UTRN: variants seen among roughly 807,000 people sequenced by gnomAD.
UTRN encodes the protein dystrophin-related protein 1.
In UTRN, 283 loss-of-function variants were observed where a neutral mutation model predicts 463.9. That is an observed-to-expected ratio of 0.61 (90% CI 0.55 to 0.67). UTRN has a LOEUF of 0.67. Among genes scored for constraint, UTRN ranks in the 30% least tolerant of loss-of-function variants. UTRN has a pLI of 0.00. For synonymous variants in UTRN, 1,442 were observed against 1,431.5 expected (o/e 1.01, Z -0.17); for missense variants, 3,922 against 4,084.3 (o/e 0.96, Z 1.08).
intron 52 of UTRN, among the ~76,000 whole-genome samples, chr6:144,682,800 TA>T (rs529841693): frequency 4.6e-5 from 7 of 152,232 alleles, no homozygotes; most frequent in African/African-American, 1.4e-4. Context: ...TTATAAAAGA[TA>T]AAATAGTTTG....
chr6:144,517,065 T>C (rs1795680740), intron 39 of UTRN, 117 bp downstream of exon 39: 2 of 895,796 alleles, frequency 2.2e-6, no homozygotes, highest in East Asian at 3.1e-5. Flanking sequence ...TATCATCTCC[T>C]CCTTTCTAGT....
intron 64 of UTRN, among the ~76,000 whole-genome samples, chr6:144,802,605 T>A (rs4476850): frequency 0.13 from 19,221 of 152,208 alleles, 1,553 homozygotes; most frequent in East Asian, 0.45. Flanking sequence ...CAAGGATGCA[T>A]TGTGATCAAG....
chr6:144,576,267 A>G (rs1432057923), intron 50 of UTRN, among the ~76,000 whole-genome samples: 1 of 152,194 alleles, frequency 6.6e-6, no homozygotes, highest in African/African-American at 2.4e-5. Context: ...GGATTTAAAT[A>G]CCTAGGAGTG....
intron 2 of UTRN, among the ~76,000 whole-genome samples, chr6:144,361,524 T>G (rs1241688848): frequency 6.6e-6 from 1 of 152,192 alleles, no homozygotes; most frequent in Non-Finnish European, 1.5e-5. Context: ...TATTTCTGGA[T>G]GCTAAAAGGG....
chr6:144,514,609 G>C, intron 36 of UTRN, 41 bp from the exon 37 acceptor site: 2 of 1,601,436 alleles, frequency 1.2e-6, no homozygotes, highest in Non-Finnish European at 1.7e-6. Context: ...GTTTGGGTTT[G>C]ATTTTTCCCA....
chr6:144,804,437 C>G (rs960574123), intron 65 of UTRN, among the ~76,000 whole-genome samples: 1 of 152,212 alleles, frequency 6.6e-6, no homozygotes, highest in African/African-American at 2.4e-5. Context: ...GCCCTCTTGT[C>G]AAAGATAAGC....
chr6:144,667,628 A>G (rs1281980007), intron 51 of UTRN, among the ~76,000 whole-genome samples: 2 of 152,214 alleles, frequency 1.3e-5, no homozygotes, highest in African/African-American at 4.8e-5. Flanking sequence ...CTATCTGCAC[A>G]CCTTTAAATA....
intron 23 of UTRN, among the ~76,000 whole-genome samples, chr6:144,471,495 T>G (rs1393505492): frequency 6.6e-6 from 1 of 152,220 alleles, no homozygotes; most frequent in Non-Finnish European, 1.5e-5. Context: ...TGGTGACAAG[T>G]TAAACGGAGA....
chr6:144,829,417 G>A (rs1275713853), intron 69 of UTRN, among the ~76,000 whole-genome samples: 5 of 152,034 alleles, frequency 3.3e-5, no homozygotes, highest in Non-Finnish European at 5.9e-5. Flanking sequence ...AAGCTTTCTA[G>A]CCAATTAGTT....
chr6:144,644,334 T>A (rs1778075877), intron 51 of UTRN, among the ~76,000 whole-genome samples: 2 of 152,200 alleles, frequency 1.3e-5, no homozygotes, highest in Admixed American at 6.5e-5. Context: ...CATACATAGG[T>A]TCAATACTTT....
chr6:144,783,722 G>A (rs9399500), intron 61 of UTRN, among the ~76,000 whole-genome samples: 17,958 of 151,890 alleles, frequency 0.12, 2,987 homozygotes, highest in African/African-American at 0.38. Context: ...AACTTTCCCT[G>A]TCCTCCTCTC....
At chr6:144,557,016 A>G (rs182352115) in intron 49 of UTRN, 141 bp from the exon 50 acceptor site, 7 of 1,058,550 alleles carry the variant, frequency 6.6e-6, no homozygotes, top group Admixed American at 3.5e-5. Flanking sequence ...ACATATAACA[A>G]AAGGGTTTGC....
intron 44 of UTRN, 93 bp downstream of exon 44, chr6:144,537,810 G>T (rs1317898293): frequency 1.3e-6 from 2 of 1,496,880 alleles, no homozygotes; most frequent in East Asian, 5.1e-5. Flanking sequence ...AAAGGGAAAA[G>T]AAACTTTGTA....
intron 51 of UTRN, among the ~76,000 whole-genome samples, chr6:144,617,074 G>T (rs1169986511): frequency 6.6e-6 from 1 of 152,068 alleles, no homozygotes; most frequent in African/African-American, 2.4e-5. Flanking sequence ...ACTGTAGTTG[G>T]TTACATTCAG....
At chr6:144,542,167 C>A (rs1798031385) in intron 45 of UTRN, among the ~76,000 whole-genome samples, 1 of 151,982 alleles carries the variant, frequency 6.6e-6, no homozygotes, top group East Asian at 1.9e-4. Context: ...ATGAAGTGAT[C>A]CTAAGAATTG....
At chr6:144,537,281 C>A (rs970065377) in intron 43 of UTRN, among the ~76,000 whole-genome samples, 2 of 151,894 alleles carry the variant, frequency 1.3e-5, no homozygotes, top group African/African-American at 4.8e-5. Context: ...GGAGTGGTAT[C>A]TAACTGTAAA....
At chr6:144,750,220 C>G (rs2128723045) in intron 55 of UTRN, among the ~76,000 whole-genome samples, 1 of 143,236 alleles carries the variant, frequency 7.0e-6, no homozygotes, top group Admixed American at 7.0e-5. Context: ...ATTTTTTACA[C>G]TTATAATGCC....
intron 53 of UTRN, among the ~76,000 whole-genome samples, chr6:144,718,917 A>C (rs988238517): frequency 2.6e-5 from 4 of 152,194 alleles, no homozygotes; most frequent in African/African-American, 9.7e-5. Flanking sequence ...CTGGAGCCGG[A>C]TCCCTGAAGG....
intron 61 of UTRN, among the ~76,000 whole-genome samples, chr6:144,787,551 A>G (rs1400066282): frequency 6.6e-6 from 1 of 152,154 alleles, no homozygotes; most frequent in African/African-American, 2.4e-5. Context: ...ACCAATCCCT[A>G]AGCACGATTT....
Sources: allele counts gnomAD v4.1 joint callset (sites outside exome capture counted in the v4.1 genomes callset), GRCh38; gene constraint gnomAD v4.1.1; transcripts MANE v1.5; gene names NCBI Gene and HGNC (gene_info 2026-07-23, HGNC 2026-07-21).